Variants in ARHGAP21 observed in about 807,000 individuals in gnomAD.
The protein encoded by ARHGAP21 is Rho GTPase activating protein 21, also known as rho GTPase-activating protein 21.
ARHGAP21 carries 38 observed loss-of-function variants against 164.6 expected under a neutral mutation model. The observed-to-expected ratio is 0.23, with a 90% CI of 0.18 to 0.30. The LOEUF (loss-of-function observed/expected upper bound fraction) is 0.30, where lower values mean the gene tolerates loss of function less well. Among genes scored for constraint, ARHGAP21 ranks in the 10% least tolerant of loss-of-function variants. The probability of loss-of-function intolerance (pLI) is 1.00; values close to 1 mark genes in which losing one functional copy is unlikely to be tolerated. For synonymous variants in ARHGAP21, 766 were observed against 857.9 expected, an observed-to-expected ratio of 0.89 and a Z score of 1.87; for missense variants, 1,822 against 2,370.7, an observed-to-expected ratio of 0.77 and a Z score of 4.81.
intron 2 of ARHGAP21, among the ~76,000 whole-genome samples, chr10:24,685,386 C>A (rs1284637893): frequency 6.6e-6 from 1 of 152,138 alleles, no homozygotes; most frequent in African/African-American, 2.4e-5. Context: ...ACTCTCAAAG[C>A]CTAACTAGCT....
rs2076021137 is a variant in ARHGAP21, at chr10:24,584,574, T to C, written c.5715A>G (p.Ser1905=). ...GTATGGAAAGAAGGGGCCTGTTTGTTGAAGCCAAGGTGCTGGAAGAACTGC... is the reference window on the plus strand; with the variant it reads ...GTATGGAAAGAAGGGGCCTGTTTGTCGAAGCCAAGGTGCTGGAAGAACTGC... ...NTGSSSSTLA[S]TNRPLLSIPP... is the part of the protein sequence containing the mutation. Residue 1905 remains serine (S), a synonymous_variant, in exon 26 of 26, where the codon TCA becomes TCG. Coordinates refer to ENST00000396432, the MANE Select transcript of ARHGAP21 (RefSeq NM_020824.4). 2 of 1,613,946 alleles carry C rather than the reference T, an allele frequency of 1.2e-6. No homozygotes were observed. The highest frequency in any genetic ancestry group is 1.3e-5 in the African/African-American group (1 of 75,030).
At chr10:24,706,350 T>C (rs979372930) in intron 2 of ARHGAP21, among the ~76,000 whole-genome samples, 1 of 152,158 alleles carries the variant, frequency 6.6e-6, no homozygotes, top group Non-Finnish European at 1.5e-5. Flanking sequence ...ATTAGATTTA[T>C]CACATTAAAC....
chr10:24,623,834 C>G (rs896821334), intron 7 of ARHGAP21, among the ~76,000 whole-genome samples: 1 of 152,122 alleles, frequency 6.6e-6, no homozygotes, highest in Non-Finnish European at 1.5e-5. Context: ...ACCATGGAGG[C>G]CATTTTTTTC....
Position 24,591,357 on chromosome 10 carries a change from C to T in ARHGAP21, c.4045-27G>A, listed in dbSNP as rs907068063. 9.1e-6 allele frequency: 14 copies of T among 1,544,232 alleles called. No individual in the cohort carries two copies. In the African/African-American group the frequency reaches 1.5e-4, roughly 17 times the overall value. Reference sequence around the variant, plus strand: ...TATGGTTAATAAACAAAGATCTCTTCATCATCTCTTCAAAGATACTTTCTT... The same window carrying T: ...TATGGTTAATAAACAAAGATCTCTTTATCATCTCTTCAAAGATACTTTCTT... On this transcript the variant is annotated intron_variant, in intron 23 of 25. Transcript: ENST00000396432.
chr10:24,592,109 G>T, intron 21 of ARHGAP21, 97 bp from the exon 22 acceptor site: 5 of 847,674 alleles, frequency 5.9e-6, no homozygotes, highest in Admixed American at 3.2e-5. Context: ...AGAATAAACA[G>T]AAAAATAGCT....
At chr10:24,659,101 G>C (rs1034532837) in intron 4 of ARHGAP21, among the ~76,000 whole-genome samples, 1 of 152,180 alleles carries the variant, frequency 6.6e-6, no homozygotes, top group Non-Finnish European at 1.5e-5. Flanking sequence ...CATAGAAATG[G>C]TATAGCCACT....
chr10:24,672,861 T>C (rs1026153250), intron 2 of ARHGAP21, among the ~76,000 whole-genome samples: 2 of 151,270 alleles, frequency 1.3e-5, no homozygotes, highest in African/African-American at 4.9e-5. Flanking sequence ...AATAATACAG[T>C]ATACCAAAAA....
At chr10:24,661,291 A>G (rs1452303142) in intron 4 of ARHGAP21, among the ~76,000 whole-genome samples, 1 of 151,778 alleles carries the variant, frequency 6.6e-6, no homozygotes. Flanking sequence ...AATCTGCATC[A>G]TAGTACAGAA....
chr10:24,642,332 G>A (rs986523296), intron 4 of ARHGAP21, among the ~76,000 whole-genome samples: 2 of 151,658 alleles, frequency 1.3e-5, no homozygotes, highest in African/African-American at 2.4e-5. Context: ...TGGCTAACAC[G>A]GTGAAACCCC....
intron 4 of ARHGAP21, among the ~76,000 whole-genome samples, chr10:24,651,261 T>G (rs572125085): frequency 1.3e-5 from 2 of 152,306 alleles, no homozygotes; most frequent in South Asian, 4.2e-4. Flanking sequence ...AAGACAAGTG[T>G]TTGCCTGGGG....
At chr10:24,660,039 A>G (rs180971350) in intron 4 of ARHGAP21, among the ~76,000 whole-genome samples, 1 of 152,220 alleles carries the variant, frequency 6.6e-6, no homozygotes, top group Admixed American at 6.5e-5. Flanking sequence ...CACCACCACC[A>G]CTACCATCAT....
At chr10:24,634,289 T>G (rs1369882401) in intron 5 of ARHGAP21, among the ~76,000 whole-genome samples, 1 of 152,164 alleles carries the variant, frequency 6.6e-6, no homozygotes, top group Non-Finnish European at 1.5e-5. Context: ...CTTATAAATC[T>G]TAGCAATGAT....
chr10:24,670,245 T>G lies in ARHGAP21; in HGVS notation c.216A>C (p.Pro72=), dbSNP rs1239974902. 2 of 1,599,526 alleles carry G rather than the reference T, an allele frequency of 1.3e-6. No individual in the cohort carries two copies. The highest frequency in any genetic ancestry group is 1.7e-6 in the Non-Finnish European group (2 of 1,173,114). ...FTLRHFIVYP[P]ESAIQFSYKD... ...TATATGAAAATTGAATTGCAGACTCTGGGGGATAAACAATAAAATGTCTTA... is the reference window on the plus strand; with the variant it reads ...TATATGAAAATTGAATTGCAGACTCGGGGGGATAAACAATAAAATGTCTTA... The change falls in exon 3 of 26, where the codon CCA becomes CCC. Residue 72 remains proline (P), a synonymous_variant. Coordinates refer to ENST00000396432, the MANE Select transcript of ARHGAP21 (RefSeq NM_020824.4).
chr10:24,619,255 G>GT (rs1399870347), intron 9 of ARHGAP21, among the ~76,000 whole-genome samples: 2 of 119,736 alleles, frequency 1.7e-5, no homozygotes, highest in African/African-American at 5.8e-5. Context: ...GGTACATGAA[G>GT]TTTTTGTTTT....
chr10:24,622,440 ATATATATATATATATATATATATATATAT>A lies in ARHGAP21; in HGVS notation c.525+264_525+292del, dbSNP rs1834659292. On this transcript the variant is annotated intron_variant, in intron 8 of 25. Coordinates refer to ENST00000396432, the MANE Select transcript of ARHGAP21 (RefSeq NM_020824.4). ...GGTGAGATACTTAAAAAACATATATATATATATATATATATATATATATATATATATATATATATATATATACTGATGCA... is the reference window on the plus strand; with the variant it reads ...GGTGAGATACTTAAAAAACATATATAATATATATATATATATACTGATGCA... Among the ~76,000 whole-genome samples the A allele has an allele frequency of 1.5e-3, 13 of 8,596 alleles. 1 individual carries two copies. Among genetic ancestry groups the A allele is most frequent in the Admixed American group, 0.014 (13 of 922 alleles). 5.6% of individuals were successfully genotyped at this position (8,596 alleles called of 152,430 possible).
chr10:24,701,809 A>G (rs575778330), intron 2 of ARHGAP21, among the ~76,000 whole-genome samples: 56 of 152,314 alleles, frequency 3.7e-4, no homozygotes, highest in African/African-American at 1.3e-3. Context: ...ATCATACTCG[A>G]TGCTGAGCTG....
chr10:24,690,306 A>G (rs1193773819), intron 2 of ARHGAP21, among the ~76,000 whole-genome samples: 1 of 152,184 alleles, frequency 6.6e-6, no homozygotes, highest in Non-Finnish European at 1.5e-5. Context: ...TTAGTTTTAG[A>G]CACAATATTT....
rs367734506 is a variant in ARHGAP21 at position 24,696,339 on chromosome 10, C to T, written c.63+25498G>A. Among the ~76,000 whole-genome samples the T allele has an allele frequency of 7.9e-5, 12 of 152,284 alleles. No individual in the cohort carries two copies. The East Asian group carries it at 2.3e-3, about 29-fold the overall frequency. ...AGAATCTGCAGGGGGTCCTCCCCGA[C>T]CCCAGTCTTCAGCTGAGCAATGATG... On this transcript the variant is annotated intron_variant, in intron 2 of 25. Transcript: ENST00000396432.
chr10:24,589,604 A>T (rs1013769846), intron 24 of ARHGAP21: 5 of 314,994 alleles, frequency 1.6e-5, no homozygotes, highest in African/African-American at 2.2e-5. Context: ...TATTAAATCT[A>T]GCAATAAAGA....
Sources: allele counts gnomAD v4.1 joint callset (sites outside exome capture counted in the v4.1 genomes callset), GRCh38; gene constraint gnomAD v4.1.1; transcripts MANE v1.5; gene names NCBI Gene and HGNC (gene_info 2026-07-23, HGNC 2026-07-21).